Variants in EPB41L4B observed in about 807,000 individuals in gnomAD.
EPB41L4B encodes band 4.1-like protein 4B.
EPB41L4B carries 30 observed loss-of-function variants against 112.5 expected under a neutral mutation model. The ratio of observed to expected loss-of-function variants is 0.27; its 90% CI spans 0.20 to 0.36. The LOEUF is 0.36. Among genes scored for constraint, EPB41L4B ranks in the 10% least tolerant of loss-of-function variants. The pLI is 1.00. For missense variants in EPB41L4B, 1,024 were observed against 1,133.3 expected, an observed-to-expected ratio of 0.90 and a Z score of 1.38; for synonymous variants, 408 against 439.7, an observed-to-expected ratio of 0.93 and a Z score of 0.90.
At chr9:109,307,964 G>C (rs1837276312) in intron 1 of EPB41L4B, among the ~76,000 whole-genome samples, 1 of 152,152 alleles carries the variant, frequency 6.6e-6, no homozygotes, top group African/African-American at 2.4e-5. Context: ...GCAGACTGGA[G>C]TGAGCAGCCT....
intron 24 of EPB41L4B, among the ~76,000 whole-genome samples, chr9:109,177,427 G>C (rs1198818057): frequency 2.0e-5 from 3 of 152,206 alleles, no homozygotes; most frequent in African/African-American, 7.2e-5. Flanking sequence ...TACTGGTCTA[G>C]AGTATACTGT....
chr9:109,175,813 C>G (rs1831804732), intron 25 of EPB41L4B, among the ~76,000 whole-genome samples: 1 of 152,226 alleles, frequency 6.6e-6, no homozygotes, highest in African/African-American at 2.4e-5. Context: ...GTCATTCACT[C>G]TGCTCTGGCC....
rs1564250675 is a variant in EPB41L4B at position 109,185,535 on chromosome 9, T to C, written c.2372A>G (p.Glu791Gly). 6.2e-7 allele frequency: 1 copy of C among 1,613,512 alleles called. No individual in the cohort carries two copies. Among genetic ancestry groups the C allele is most frequent in the Non-Finnish European group, 8.5e-7 (1 of 1,179,694 alleles). The change falls in exon 23 of 26, where the codon GAA becomes GGA. Residue 791 changes from glutamate to glycine, a missense_variant. Physicochemically the swap from Glu to Gly is moderately conservative, Grantham distance 98. Transcript: ENST00000374566. ...CSPPLSLPMK[E>G]ETTGVCMYPP... ...GTACATGCAAACTCCAGTGGTCTCT[T>C]CCTTCATGGGGAGAGAGAGTGGAGG... is the stretch of plus-strand genomic sequence containing the variant.
intron 5 of EPB41L4B, 62 bp downstream of exon 5, chr9:109,264,918 A>T (rs569226533): frequency 6.3e-6 from 9 of 1,422,912 alleles, no homozygotes; most frequent in Non-Finnish European, 8.5e-6. Flanking sequence ...TAAAACAGTG[A>T]ATTATTTTGA....
intron 22 of EPB41L4B, among the ~76,000 whole-genome samples, chr9:109,190,358 C>A (rs1052493564): frequency 2.6e-5 from 4 of 152,206 alleles, no homozygotes; most frequent in African/African-American, 9.6e-5. Flanking sequence ...CATTCATGCC[C>A]GTAAAGGGCT....
At chr9:109,303,262 C>T (rs540683473) in intron 1 of EPB41L4B, among the ~76,000 whole-genome samples, 101 of 151,300 alleles carry the variant, frequency 6.7e-4, no homozygotes, top group African/African-American at 2.3e-3. Context: ...AAAAAAAAAA[C>T]AATTTTTAAA....
At chr9:109,264,788 A>G (rs1168613900) in intron 5 of EPB41L4B, among the ~76,000 whole-genome samples, 192 bp downstream of exon 5, 1 of 152,228 alleles carries the variant, frequency 6.6e-6, no homozygotes, top group Admixed American at 6.5e-5. Context: ...GAAATGCTTC[A>G]AGCCATATAG....
chr9:109,283,104 C>T (rs1199207065), intron 1 of EPB41L4B, among the ~76,000 whole-genome samples: 3 of 152,148 alleles, frequency 2.0e-5, no homozygotes, highest in African/African-American at 7.2e-5. Context: ...GAAAATGCAA[C>T]GTCTACAGAT....
At chr9:109,223,434 C>CA (rs35529450) in intron 15 of EPB41L4B, among the ~76,000 whole-genome samples, 62,942 of 129,178 alleles carry the variant, frequency 0.49, 14,437 homozygotes, top group Admixed American at 0.58. Flanking sequence ...GACCCTGTCT[C>CA]AAAAAAAAAA....
chr9:109,295,837 GTTTTT>G (rs3838723), intron 1 of EPB41L4B, among the ~76,000 whole-genome samples: 1 of 149,804 alleles, frequency 6.7e-6, no homozygotes, highest in Admixed American at 6.7e-5. Context: ...CTTTTTTTCT[GTTTTT>G]TTTTCTTTTT....
intron 21 of EPB41L4B, among the ~76,000 whole-genome samples, 184 bp from the exon 22 acceptor site, chr9:109,192,539 C>T (rs1298399372): frequency 6.6e-6 from 1 of 152,182 alleles, no homozygotes; most frequent in East Asian, 1.9e-4. Context: ...CCAATTTTTT[C>T]ATAGGTAGAA....
At chr9:109,228,184 T>A (rs1002512887) in intron 15 of EPB41L4B, among the ~76,000 whole-genome samples, 3 of 152,330 alleles carry the variant, frequency 2.0e-5, no homozygotes, top group South Asian at 4.1e-4. Flanking sequence ...AAATTCTACT[T>A]ATCAGGTTAG....
chr9:109,233,840 T>C (rs1275672139), intron 15 of EPB41L4B, among the ~76,000 whole-genome samples: 3 of 152,188 alleles, frequency 2.0e-5, no homozygotes, highest in South Asian at 2.1e-4. Context: ...CCTGGAAACC[T>C]ACTTTTAAAA....
chr9:109,229,414 C>G (rs1283270828), intron 15 of EPB41L4B, among the ~76,000 whole-genome samples: 2 of 152,224 alleles, frequency 1.3e-5, no homozygotes, highest in Non-Finnish European at 2.9e-5. Context: ...ATGCAATGAA[C>G]TTCCCCTATC....
intron 24 of EPB41L4B, among the ~76,000 whole-genome samples, chr9:109,177,505 T>C (rs1051101640): frequency 6.6e-6 from 1 of 152,184 alleles, no homozygotes; most frequent in Non-Finnish European, 1.5e-5. Context: ...TTTACTTGTA[T>C]ATAGAAAGCT....
At chr9:109,283,740 T>C (rs1836161016) in intron 1 of EPB41L4B, among the ~76,000 whole-genome samples, 1 of 152,192 alleles carries the variant, frequency 6.6e-6, no homozygotes, top group Non-Finnish European at 1.5e-5. Context: ...AAAATAGTTG[T>C]ACAGATGCTC....
At chr9:109,250,461 A>T (rs1834742624) in intron 13 of EPB41L4B, among the ~76,000 whole-genome samples, 1 of 152,178 alleles carries the variant, frequency 6.6e-6, no homozygotes, top group Non-Finnish European at 1.5e-5. Flanking sequence ...GATGACTGAG[A>T]GCCTAATGAA....
intron 15 of EPB41L4B, chr9:109,240,099 A>C: frequency 1.6e-5 from 16 of 985,416 alleles, no homozygotes; most frequent in Non-Finnish European, 1.8e-5. Context: ...TCATTCACAA[A>C]TGAGACTTCT....
chr9:109,176,138 T>G (rs1180251561), intron 25 of EPB41L4B, among the ~76,000 whole-genome samples: 1 of 151,840 alleles, frequency 6.6e-6, no homozygotes, highest in Non-Finnish European at 1.5e-5. Flanking sequence ...AAACATTTTT[T>G]TTTTTTTGAG....
Sources: allele counts gnomAD v4.1 joint callset (sites outside exome capture counted in the v4.1 genomes callset), GRCh38; gene constraint gnomAD v4.1.1; transcripts MANE v1.5; gene names NCBI Gene and HGNC (gene_info 2026-07-23, HGNC 2026-07-21).